Variants in ACYP2 observed in about 807,000 individuals in gnomAD.
ACYP2 encodes the protein acylphosphatase 2.
A neutral mutation model predicts 11.2 loss-of-function variants in ACYP2; 12 were observed. The observed-to-expected ratio is 1.08, with a 90% CI of 0.69 to 1.74. ACYP2 has a LOEUF of 1.74. Ranked by LOEUF, ACYP2 falls within the 40% of genes most tolerant of loss-of-function variation. ACYP2 has a pLI of 0.00. For synonymous variants in ACYP2, 43 were observed against 32.2 expected, an observed-to-expected ratio of 1.33 and a Z score of -1.13; for missense variants, 134 against 101.9, an observed-to-expected ratio of 1.31 and a Z score of -1.35.
chr2:54,230,094 CAA>C, intron 6 of ACYP2, among the ~76,000 whole-genome samples: 1 of 152,262 alleles, frequency 6.6e-6, no homozygotes, highest in Non-Finnish European at 1.5e-5. Flanking sequence ...TATTTAACCC[CAA>C]AATATATTTC....
chr2:54,296,850 CCTT>C (rs567519995), intron 6 of ACYP2, among the ~76,000 whole-genome samples: 142 of 152,132 alleles, frequency 9.3e-4, no homozygotes, highest in African/African-American at 3.3e-3. Flanking sequence ...ACTAGATGAA[CCTT>C]CTTTTTTGTT....
rs541146865 is a variant in ACYP2 at position 54,076,128 on chromosome 2, G to T, written c.277+18768G>T. Among the ~76,000 whole-genome samples the T allele has an allele frequency of 2.3e-3, 354 of 152,218 alleles. 1 individual carries two copies. The highest frequency in any genetic ancestry group is 6.8e-3 in the Middle Eastern group (2 of 294). On this transcript the variant is annotated intron_variant, in intron 4 of 6. Coordinates refer to ENST00000607452, the MANE Select transcript of ACYP2 (RefSeq NM_001320586.2). The stretch of plus-strand genomic sequence containing the variant: ...CATTTCTTTGCATAATTACTGCTTA[G>T]TTTTTCATATGTAAAATATTAAATC...
At chr2:54,100,831 A>G (rs1678852594) in intron 4 of ACYP2, among the ~76,000 whole-genome samples, 1 of 152,250 alleles carries the variant, frequency 6.6e-6, no homozygotes, top group Non-Finnish European at 1.5e-5. Context: ...CTACTCTTCT[A>G]TGAATGGGAA....
intron 2 of ACYP2, among the ~76,000 whole-genome samples, chr2:54,001,667 T>C (rs1460506997): frequency 6.6e-6 from 1 of 152,226 alleles, no homozygotes; most frequent in Non-Finnish European, 1.5e-5. Context: ...GTGCTGGGAT[T>C]ACAAGAGTGA....
intron 6 of ACYP2, among the ~76,000 whole-genome samples, chr2:54,177,688 G>C (rs1377476189): frequency 6.8e-6 from 1 of 147,960 alleles, no homozygotes; most frequent in Non-Finnish European, 1.5e-5. Flanking sequence ...AGTGATGTTT[G>C]TGTCTCAGCC....
intron 6 of ACYP2, among the ~76,000 whole-genome samples, chr2:54,272,262 G>T (rs1262374495): frequency 6.6e-6 from 1 of 152,126 alleles, no homozygotes; most frequent in Admixed American, 6.5e-5. Flanking sequence ...TAACTATGGG[G>T]GTCTGTGAAT....
At chr2:54,267,603 T>C (rs1391165435) in intron 6 of ACYP2, among the ~76,000 whole-genome samples, 1 of 152,202 alleles carries the variant, frequency 6.6e-6, no homozygotes, top group Non-Finnish European at 1.5e-5. Flanking sequence ...TTAAAGATCA[T>C]TCTGGAAAAT....
intron 6 of ACYP2, among the ~76,000 whole-genome samples, chr2:54,229,982 T>C (rs982134755): frequency 3.9e-5 from 6 of 152,244 alleles, no homozygotes; most frequent in Non-Finnish European, 8.8e-5. Flanking sequence ...AGTCATGTCC[T>C]ACAAACCATA....
At chr2:54,290,931 C>T (rs62140508) in intron 6 of ACYP2, among the ~76,000 whole-genome samples, 25,027 of 152,184 alleles carry the variant, frequency 0.16, 2,498 homozygotes, top group Non-Finnish European at 0.22. Context: ...TCTAGGCAGG[C>T]TTGCCTTGCC....
At chr2:54,207,503 A>C (rs891232585) in intron 6 of ACYP2, among the ~76,000 whole-genome samples, 1 of 152,202 alleles carries the variant, frequency 6.6e-6, no homozygotes, top group Non-Finnish European at 1.5e-5. Flanking sequence ...ATATCTACAA[A>C]ATACTTTTAC....
intron 6 of ACYP2, among the ~76,000 whole-genome samples, chr2:54,241,164 G>C (rs1686712740): frequency 6.6e-6 from 1 of 152,150 alleles, no homozygotes; most frequent in Non-Finnish European, 1.5e-5. Context: ...GAATGACAAG[G>C]CAGGAAAAAC....
intron 6 of ACYP2, among the ~76,000 whole-genome samples, chr2:54,304,218 C>CTGTGTGTGTGTGTGTG (rs10531789): frequency 2.7e-5 from 4 of 149,376 alleles, no homozygotes; most frequent in African/African-American, 9.8e-5. Flanking sequence ...ATATATATGT[C>CTGTGTGTGTGTGTGTG]TGTGTGTGTG....
intron 2 of ACYP2, among the ~76,000 whole-genome samples, chr2:53,973,964 TG>T (rs1329083866): frequency 6.9e-6 from 1 of 145,168 alleles, no homozygotes; most frequent in East Asian, 2.1e-4. Context: ...TGGAGTGCAA[TG>T]GATCCATCTC....
At chr2:54,249,682 C>A (rs1370891388) in intron 6 of ACYP2, among the ~76,000 whole-genome samples, 1 of 152,018 alleles carries the variant, frequency 6.6e-6, no homozygotes, top group African/African-American at 2.4e-5. Flanking sequence ...GTGGCTCATG[C>A]CTAAAATCCC....
intron 6 of ACYP2, among the ~76,000 whole-genome samples, chr2:54,235,496 C>T (rs1686434824): frequency 1.3e-5 from 2 of 152,034 alleles, no homozygotes; most frequent in Non-Finnish European, 2.9e-5. Flanking sequence ...CTATAGGCGC[C>T]CACCACCATG....
chr2:54,014,015 G>A (rs562402625), intron 2 of ACYP2, among the ~76,000 whole-genome samples: 28 of 152,122 alleles, frequency 1.8e-4, no homozygotes, highest in African/African-American at 6.0e-4. Context: ...AACATTAGCC[G>A]GGAGTGGTGG....
At chr2:54,180,889 C>T (rs1041679472) in intron 6 of ACYP2, among the ~76,000 whole-genome samples, 2 of 152,128 alleles carry the variant, frequency 1.3e-5, no homozygotes, top group African/African-American at 4.8e-5. Flanking sequence ...AGACATTCAT[C>T]CCATTCATGA....
intron 6 of ACYP2, among the ~76,000 whole-genome samples, chr2:54,213,076 T>C (rs1685397642): frequency 6.6e-6 from 1 of 152,204 alleles, no homozygotes; most frequent in Non-Finnish European, 1.5e-5. Context: ...AGTTTTTCGA[T>C]GGTCACCCTC....
At chr2:54,197,942 A>ATGATTGTATTGTATTGTATTG (rs1354658076) in intron 6 of ACYP2, among the ~76,000 whole-genome samples, 1 of 69,514 alleles carries the variant, frequency 1.4e-5, no homozygotes, top group Non-Finnish European at 3.3e-5. Context: ...TGTATGTATT[A>ATGATTGTATTGTATTGTATTG]TATTGTATTG....
Sources: allele counts gnomAD v4.1 joint callset (sites outside exome capture counted in the v4.1 genomes callset), GRCh38; gene constraint gnomAD v4.1.1; transcripts MANE v1.5; gene names NCBI Gene and HGNC (gene_info 2026-07-23, HGNC 2026-07-21).